BRD7: variants seen among roughly 807,000 people sequenced by gnomAD.
BRD7 encodes the protein bromodomain containing 7.
In BRD7, 15 loss-of-function variants were observed where a neutral mutation model predicts 82.1. That is an observed-to-expected ratio of 0.18 (90% CI 0.12 to 0.28). The LOEUF (loss-of-function observed/expected upper bound fraction) is 0.28. BRD7 is among the 10% of genes least tolerant of loss of function. The pLI is 1.00. For synonymous variants in BRD7, 232 were observed against 266.9 expected (o/e 0.87, Z 1.27); for missense variants, 638 against 779.9 (o/e 0.82, Z 2.17).
chr16:50,320,090 C>T, intron 15 of BRD7, 60 bp from the exon 16 acceptor site: 2 of 1,551,410 alleles, frequency 1.3e-6, no homozygotes, highest in Non-Finnish European at 1.7e-6. Context: ...AGAGGCATCC[C>T]AAAGAACAGT....
rs189831724 is a variant in BRD7, at chr16:50,339,930, A to G, written c.702+46T>C. The G allele has an allele frequency of 1.1e-4, 134 of 1,200,172 alleles. 1 individual carries two copies. The highest frequency in any genetic ancestry group is 1.6e-5 in the Non-Finnish European group (13 of 835,428). 74.3% of individuals were successfully genotyped at this position (1,200,172 alleles called of 1,614,324 possible). A position where few individuals can be genotyped will look rare whatever the true frequency, so the allele number is the denominator to read the frequency against. ...GTATTACTATGGCCAACAAACAGCG[A>G]CACAGATTTTAATAACTATTATTTA... On this transcript the variant is annotated intron_variant, in intron 6 of 16. Transcript: ENST00000394688.
chr16:50,335,118 C>T (rs964734962), intron 6 of BRD7, among the ~76,000 whole-genome samples: 1 of 152,174 alleles, frequency 6.6e-6, no homozygotes, highest in African/African-American at 2.4e-5. Context: ...AGCTTTACAA[C>T]TTTATTGCCC....
intron 2 of BRD7, among the ~76,000 whole-genome samples, chr16:50,361,985 C>T (rs1020412162): frequency 3.3e-5 from 5 of 152,158 alleles, no homozygotes; most frequent in South Asian, 4.1e-4. Flanking sequence ...TTGGAAAATA[C>T]CTGAAGTAGC....
intron 4 of BRD7, among the ~76,000 whole-genome samples, chr16:50,353,585 T>A (rs922930428): frequency 6.6e-6 from 1 of 151,512 alleles, no homozygotes; most frequent in African/African-American, 2.4e-5. Flanking sequence ...AATAAATATA[T>A]TTTATTTATT....
chr16:50,341,177 T>TACACACACACACACACAC (rs57755008), intron 5 of BRD7, among the ~76,000 whole-genome samples: 7 of 137,304 alleles, frequency 5.1e-5, no homozygotes, highest in African/African-American at 7.9e-5. Context: ...AGACCTTAAG[T>TACACACACACACACACAC]ACACACACAC....
At chr16:50,351,322 T>C (rs2038514249) in intron 4 of BRD7, among the ~76,000 whole-genome samples, 1 of 152,206 alleles carries the variant, frequency 6.6e-6, no homozygotes, top group Admixed American at 6.5e-5. Flanking sequence ...TATGTGAATC[T>C]GCCTTTGTTT....
intron 2 of BRD7, among the ~76,000 whole-genome samples, chr16:50,360,759 G>A (rs901439920): frequency 9.9e-5 from 15 of 152,208 alleles, no homozygotes; most frequent in African/African-American, 3.4e-4. Context: ...AATATTTGTT[G>A]AATAAAGAAA....
At chr16:50,367,822 G>A (rs111729498) in intron 2 of BRD7, among the ~76,000 whole-genome samples, 5 of 152,174 alleles carry the variant, frequency 3.3e-5, no homozygotes, top group African/African-American at 9.6e-5. Flanking sequence ...TGCCTAGATG[G>A]AAAAACCATT....
chr16:50,355,049 CTTTACTGCCATCTACTG>C, intron 2 of BRD7, 127 bp from the exon 3 acceptor site: 4 of 1,140,514 alleles, frequency 3.5e-6, no homozygotes, highest in Non-Finnish European at 4.9e-6. Context: ...GCTCAATGTA[CTTTACTGCCATCTACTG>C]GAAAAGGAGA....
At chr16:50,348,273 G>A (rs944182700) in intron 5 of BRD7, among the ~76,000 whole-genome samples, 7 of 152,082 alleles carry the variant, frequency 4.6e-5, no homozygotes, top group Non-Finnish European at 1.0e-4. Context: ...AGATGGATTA[G>A]AGACTTAAAT....
intron 9 of BRD7, among the ~76,000 whole-genome samples, chr16:50,326,690 T>C (rs980187410): frequency 3.3e-5 from 5 of 152,190 alleles, no homozygotes; most frequent in Non-Finnish European, 5.9e-5. Context: ...CAAAAACTTT[T>C]AAAAGCTGGG....
chr16:50,318,300 C>CAA lies in BRD7; in HGVS notation c.*909_*910dup, dbSNP rs944106307. On this transcript the variant is annotated 3_prime_UTR_variant, in exon 17 of 17. Coordinates refer to ENST00000394688, the MANE Select transcript of BRD7 (RefSeq NM_013263.5). Reference sequence around the variant, plus strand: ...TTCTTCCTAAATACTAATTAATTTTCAAAGTCAGGAAAATAATAGAAATCA... The same window carrying CAA: ...TTCTTCCTAAATACTAATTAATTTTCAAAAAGTCAGGAAAATAATAGAAATCA... 63 of 152,252 alleles carry CAA rather than the reference C, an allele frequency of 4.1e-4. No homozygotes were observed. The highest frequency in any genetic ancestry group is 1.1e-3 in the African/African-American group (46 of 41,538). 9.4% of individuals were successfully genotyped at this position (152,252 alleles called of 1,614,324 possible).
chr16:50,325,191 G>A (rs1371786751), intron 11 of BRD7, among the ~76,000 whole-genome samples: 1 of 152,082 alleles, frequency 6.6e-6, no homozygotes, highest in African/African-American at 2.4e-5. Flanking sequence ...TATGTTGATG[G>A]GATCCAAACT....
At position 50,317,981 on chromosome 16, in the gene BRD7, G is replaced by T. The variant is rs2036891495; in HGVS notation, c.*1230C>A. 1 of 152,298 alleles carries T rather than the reference G, an allele frequency of 6.6e-6. No homozygotes were observed. 9.4% of individuals were successfully genotyped at this position (152,298 alleles called of 1,614,324 possible). A position where few individuals can be genotyped will look rare whatever the true frequency, so the allele number is the denominator to read the frequency against. ...ATAATAGGTCAGTGTAAAGAAATAT[G>T]ATTTGAGGTGGTGCATGCAAGTAAC... On this transcript the variant is annotated 3_prime_UTR_variant, in exon 17 of 17. Transcript: ENST00000394688.
rs767185508 is a variant in BRD7 at position 50,350,158 on chromosome 16, T to C, written c.456A>G (p.Pro152=). The C allele has an allele frequency of 1.3e-6, 2 of 1,582,246 alleles. No homozygotes were observed. Among genetic ancestry groups the C allele is most frequent in the Non-Finnish European group, 1.7e-6 (2 of 1,169,390 alleles). ...QLMRQLQRKD[P]SAFFSFPVTD... The stretch of plus-strand genomic sequence containing the variant: ...TCACAGGAAATGAAAAGAAAGCACT[T>C]GGATCTTTTCTGTAAAGATATGCAA... Residue 152 remains proline (P), a synonymous_variant, in exon 5 of 17, where the codon CCA becomes CCG. Transcript: ENST00000394688.
Position 50,354,471 on chromosome 16 carries a change from T to A in BRD7, c.400A>T (p.Thr134Ser). 2 of 1,611,808 alleles carry A rather than the reference T, an allele frequency of 1.2e-6. No individual in the cohort carries two copies. Among genetic ancestry groups the A allele is most frequent in the East Asian group, 4.5e-5 (2 of 44,794 alleles). Residue 134 changes from threonine to serine, a missense_variant, in exon 4 of 17, where the codon ACA becomes TCA. This residue lies in a region of BRD7 where 64 missense variants were observed against 123.8 expected (regional missense o/e 0.52). Coordinates refer to ENST00000394688, the MANE Select transcript of BRD7 (RefSeq NM_013263.5). ...TGATTCAAAGCTTCTTGAAGGGGTGTCTGTTCTACTTCTAAAGCAAAGAAG... is the reference window on the plus strand; with the variant it reads ...TGATTCAAAGCTTCTTGAAGGGGTGACTGTTCTACTTCTAAAGCAAAGAAG... The part of the protein sequence containing the change: ...SLAKQEEVEQ[T>S]PLQEALNQLM...
Position 50,321,554 on chromosome 16 carries a change from G to A in BRD7, c.1500+428C>T, listed in dbSNP as rs140068800. Among the ~76,000 whole-genome samples, 358 of 123,578 alleles carry A rather than the reference G, an allele frequency of 2.9e-3. 3 individuals carry two copies. The highest frequency in any genetic ancestry group is 0.023 in the East Asian group (99 of 4,214). The allele number at this position is 123,578 out of a possible 152,430, so 81.1% of individuals were successfully genotyped here. A position where few individuals can be genotyped will look rare whatever the true frequency, so the allele number is the denominator to read the frequency against. On this transcript the variant is annotated intron_variant, in intron 13 of 16. Coordinates refer to ENST00000394688, the MANE Select transcript of BRD7 (RefSeq NM_013263.5). Reference sequence around the variant, plus strand: ...TGCACTCCAGCCTGGGCAACAGAGCGGGACTCCATCTCAAAAAAAAAAAAA... The same window carrying A: ...TGCACTCCAGCCTGGGCAACAGAGCAGGACTCCATCTCAAAAAAAAAAAAA...
intron 12 of BRD7, among the ~76,000 whole-genome samples, chr16:50,322,572 C>A (rs1436382678): frequency 6.6e-6 from 1 of 152,120 alleles, no homozygotes; most frequent in African/African-American, 2.4e-5. Flanking sequence ...AGTTATTTAA[C>A]CAATTCCCAA....
intron 5 of BRD7, among the ~76,000 whole-genome samples, chr16:50,347,925 G>A (rs1453318898): frequency 7.2e-5 from 11 of 152,060 alleles, no homozygotes. Context: ...AAGTTCATAT[G>A]GAACCAAAAA....
Sources: gnomAD v4.1 joint callset for allele counts (sites outside exome capture counted in the v4.1 genomes callset) on GRCh38, gnomAD v4.1.1 for gene constraint, gnomAD v4.1.1 regional missense constraint, MANE v1.5 for transcripts, NCBI Gene and HGNC (gene_info 2026-07-23, HGNC 2026-07-21) for gene names.